PPARGC1A: variants seen among roughly 807,000 people sequenced by gnomAD.
The protein encoded by PPARGC1A is PPARG coactivator 1 alpha.
Under a neutral mutation model 88.7 loss-of-function variants are expected in PPARGC1A, and 25 were observed. The ratio of observed to expected loss-of-function variants is 0.28; its 90% CI spans 0.21 to 0.39. The LOEUF (loss-of-function observed/expected upper bound fraction) is 0.39, where lower values mean the gene tolerates loss of function less well. Ranked by LOEUF, PPARGC1A falls within the 10% of genes least tolerant of loss-of-function variation. The pLI is 1.00. For synonymous variants in PPARGC1A, 363 were observed against 355.6 expected (o/e 1.02, Z -0.24); for missense variants, 880 against 968.7 (o/e 0.91, Z 1.22).
the PPARGC1A span, among the ~76,000 whole-genome samples, chr4:24,249,111 C>T: frequency 6.6e-6 from 1 of 152,102 alleles, no homozygotes; most frequent in East Asian, 1.9e-4. Flanking sequence ...ATGAGAAATC[C>T]ATCCTGCTTT....
the PPARGC1A span, among the ~76,000 whole-genome samples, chr4:24,412,407 AAAG>A: frequency 6.6e-6 from 1 of 152,208 alleles, no homozygotes; most frequent in Non-Finnish European, 1.5e-5. Flanking sequence ...AAAAAAAACA[AAAG>A]AAGAATAAAT....
chr4:23,829,308 C>T (rs1724574993), intron 4 of PPARGC1A, among the ~76,000 whole-genome samples, 155 bp downstream of exon 4: 1 of 152,174 alleles, frequency 6.6e-6, no homozygotes, highest in Admixed American at 6.5e-5. Flanking sequence ...GTAGCTCAAG[C>T]GCTGTTTACG....
the PPARGC1A span, among the ~76,000 whole-genome samples, chr4:23,932,172 A>C: frequency 1.3e-5 from 2 of 152,234 alleles, no homozygotes; most frequent in African/African-American, 4.8e-5. Flanking sequence ...AAATGTATAG[A>C]GAAGAGATAA....
chr4:23,933,275 C>CT, the PPARGC1A span, among the ~76,000 whole-genome samples: 2 of 152,184 alleles, frequency 1.3e-5, no homozygotes, highest in African/African-American at 2.4e-5. Context: ...AGCTCACCAC[C>CT]TTCATTGAAT....
the PPARGC1A span, among the ~76,000 whole-genome samples, chr4:24,159,244 C>T: frequency 7.3e-6 from 1 of 137,126 alleles, no homozygotes; most frequent in African/African-American, 2.8e-5. Flanking sequence ...TGGAGCCTCG[C>T]TCTGTTGCCA....
chr4:24,148,445 A>C, the PPARGC1A span, among the ~76,000 whole-genome samples: 1 of 152,084 alleles, frequency 6.6e-6, no homozygotes. Flanking sequence ...TCCATGTAAC[A>C]CCTACTGAAA....
chr4:24,110,257 T>C, the PPARGC1A span, among the ~76,000 whole-genome samples: 1 of 152,162 alleles, frequency 6.6e-6, no homozygotes, highest in Non-Finnish European at 1.5e-5. Flanking sequence ...ATAACCCAAA[T>C]GTAGTTTAAA....
chr4:24,164,818 A>G, the PPARGC1A span, among the ~76,000 whole-genome samples: 30 of 152,272 alleles, frequency 2.0e-4, 2 homozygotes, highest in African/African-American at 7.2e-4. Context: ...GGCTACACAC[A>G]TTGGCAGACC....
At chr4:23,910,339 T>G in the PPARGC1A span, among the ~76,000 whole-genome samples, 1 of 61,104 alleles carries the variant, frequency 1.6e-5, no homozygotes, top group Non-Finnish European at 2.7e-5. Flanking sequence ...ATATTATATA[T>G]ATTATATATT....
chr4:24,330,569 A>G, the PPARGC1A span, among the ~76,000 whole-genome samples: 1 of 152,212 alleles, frequency 6.6e-6, no homozygotes, highest in East Asian at 1.9e-4. Flanking sequence ...GCTCCATGAC[A>G]GACCACTCAG....
chr4:23,981,671 C>G, the PPARGC1A span, among the ~76,000 whole-genome samples: 3 of 152,200 alleles, frequency 2.0e-5, no homozygotes, highest in East Asian at 1.9e-4. Flanking sequence ...CCCCCTAATA[C>G]AGCAGAAATG....
chr4:24,120,597 T>A, the PPARGC1A span, among the ~76,000 whole-genome samples: 2 of 152,202 alleles, frequency 1.3e-5, no homozygotes, highest in Non-Finnish European at 2.9e-5. Context: ...ATGGTCTGAA[T>A]GTTTGTGTCC....
chr4:23,922,929 A>G, the PPARGC1A span, among the ~76,000 whole-genome samples: 1 of 152,172 alleles, frequency 6.6e-6, no homozygotes, highest in East Asian at 1.9e-4. Context: ...GCAAGGTTCA[A>G]GGAAGTTGGC....
the PPARGC1A span, among the ~76,000 whole-genome samples, chr4:24,444,733 A>ACGAGCAAGT: frequency 1.4e-4 from 21 of 152,286 alleles, no homozygotes; most frequent in Admixed American, 7.2e-4. Flanking sequence ...TGAATATTAG[A>ACGAGCAAGT]CGAGCAAGTG....
the PPARGC1A span, among the ~76,000 whole-genome samples, chr4:24,407,353 C>T: frequency 6.6e-6 from 1 of 152,258 alleles, no homozygotes; most frequent in East Asian, 1.9e-4. Flanking sequence ...TAACATGAAA[C>T]GAGGGCGTCA....
At chr4:24,182,712 T>A in the PPARGC1A span, among the ~76,000 whole-genome samples, 1 of 152,172 alleles carries the variant, frequency 6.6e-6, no homozygotes, top group South Asian at 2.1e-4. Flanking sequence ...AGATGATATC[T>A]CATTGTGGTT....
chr4:24,080,144 C>T, the PPARGC1A span, among the ~76,000 whole-genome samples: 1 of 151,908 alleles, frequency 6.6e-6, no homozygotes, highest in African/African-American at 2.4e-5. Flanking sequence ...TGAGAAAAAT[C>T]GAAGTGCTGA....
the PPARGC1A span, among the ~76,000 whole-genome samples, chr4:23,972,566 A>G: frequency 6.6e-6 from 1 of 152,210 alleles, no homozygotes; most frequent in African/African-American, 2.4e-5. Context: ...CTAAACTAGT[A>G]TCTCTTCAAG....
chr4:23,800,858 A>G (rs1271566018), intron 12 of PPARGC1A, among the ~76,000 whole-genome samples: 1 of 151,814 alleles, frequency 6.6e-6, no homozygotes, highest in Non-Finnish European at 1.5e-5. Flanking sequence ...TGATAGTAAT[A>G]ATATACACCT....
Sources: allele counts gnomAD v4.1 joint callset (sites outside exome capture counted in the v4.1 genomes callset), GRCh38; gene constraint gnomAD v4.1.1; transcripts MANE v1.5; gene names NCBI Gene and HGNC (gene_info 2026-07-23, HGNC 2026-07-21).